The following AHNAK variants were observed in gnomAD, a reference collection of about 807,000 sequenced individuals.
AHNAK encodes the protein AHNAK nucleoprotein, also known as neuroblast differentiation-associated protein AHNAK.
In AHNAK, 23 loss-of-function variants were observed where a neutral mutation model predicts 37.8. That is an observed-to-expected ratio of 0.61 (90% CI 0.44 to 0.86). The LOEUF (loss-of-function observed/expected upper bound fraction) is 0.86, where lower values mean the gene tolerates loss of function less well. Among genes scored for constraint, AHNAK ranks in the 40% least tolerant of loss-of-function variants. The probability of loss-of-function intolerance (pLI) is 0.00; values close to 1 mark genes in which losing one functional copy is unlikely to be tolerated. For missense variants in AHNAK, 7,411 were observed against 7,319.4 expected (o/e 1.01, Z -0.46); for synonymous variants, 2,481 against 2,636.3 (o/e 0.94, Z 1.80).
rs77301719 is a variant in AHNAK, at chr11:62,506,905, T to C, written c.343-15074A>G. 6.5e-3 allele frequency among the ~76,000 whole-genome samples: 985 copies of C among 152,216 alleles called. 15 individuals are homozygous for C. The highest frequency in any genetic ancestry group is 0.022 in the African/African-American group (932 of 41,526). ...TCCCCAAAATGGGCAAATGGGTGTA[T>C]GTCCCAGTTTTTTCCTTTCATGGCT... On this transcript the variant is annotated intron_variant, in intron 4 of 5. Coordinates refer to the AHNAK transcript ENST00000257247.
intron 4 of AHNAK, among the ~76,000 whole-genome samples, chr11:62,497,922 C>G (rs887553663): frequency 2.0e-5 from 3 of 151,964 alleles, no homozygotes; most frequent in African/African-American, 7.3e-5. Flanking sequence ...CGAGACTGAG[C>G]CACTGCACTC....
exon 6 of AHNAK, chr11:62,433,846 A>G: frequency 6.2e-7 from 1 of 1,613,802 alleles, no homozygotes; most frequent in East Asian, 2.2e-5. Flanking sequence ...GGTCACAAAA[A>G]CAACCTTAAG....
Position 62,525,717 on chromosome 11 carries a change from G to C in AHNAK, c.8700C>G (p.Pro2900=). 1 of 1,613,096 alleles carries C rather than the reference G, an allele frequency of 6.2e-7. No individual in the cohort carries two copies. The highest frequency in any genetic ancestry group is 1.1e-5 in the South Asian group (1 of 91,014). The stretch of plus-strand genomic sequence containing the variant: ...CTTTGAAGCCAGGCATGCTGAACTT[G>C]GGCATTTTCATCTTGGGCATCTTCA... ...WHLKMPKMKM[P]KFSMPGFKAE... is the part of the protein sequence containing the mutation. Residue 2900 remains proline, a synonymous_variant, in exon 5 of 5, where the codon CCC becomes CCG. Coordinates refer to ENST00000378024, the MANE Select transcript of AHNAK (RefSeq NM_001620.3).
chr11:62,540,781 G>A (rs1471259376), intron 1 of AHNAK, among the ~76,000 whole-genome samples: 2 of 152,256 alleles, frequency 1.3e-5, no homozygotes, highest in Non-Finnish European at 2.9e-5. Context: ...AAAGGTGAGA[G>A]CACGTATGCC....
rs924982482 is a variant in AHNAK at position 62,510,479 on chromosome 11, C to G, written c.343-18648G>C. The stretch of plus-strand genomic sequence containing the variant: ...CCTATATGAGCCAGGTGCGGTGGCT[C>G]ATGCCTGTAATCCCAGCACTTTGGG... On this transcript the variant is annotated intron_variant, in intron 4 of 5. Transcript: ENST00000257247. Among the ~76,000 whole-genome samples, 42 of 152,188 alleles carry G rather than the reference C, an allele frequency of 2.8e-4. No individual in the cohort carries two copies. In the Middle Eastern group the frequency reaches 0.01, roughly 37 times the overall value.
chr11:62,519,495 T>G lies in AHNAK; in HGVS notation c.14922A>C (p.Lys4974Asn), dbSNP rs749733314. 2 of 1,613,194 alleles carry G rather than the reference T, an allele frequency of 1.2e-6. No homozygotes were observed. Among genetic ancestry groups the G allele is most frequent in the Middle Eastern group, 1.7e-4 (1 of 6,060 alleles). ...CAAATCCAAACTTGGGTTTCTTAAA[T>G]TTGGGGATTTTAACATCTGGCCCTT... ...NIEGPDVKIP[K>N]FKKPKFGFGA... The change falls in exon 5 of 5, where the codon AAA (lysine) becomes AAC (asparagine). Residue 4974 changes from lysine to asparagine, a missense_variant. Physicochemically the swap from Lys to Asn is moderately conservative, Grantham distance 94. Coordinates refer to ENST00000378024, the MANE Select transcript of AHNAK (RefSeq NM_001620.3).
chr11:62,520,774 A>G lies in AHNAK; in HGVS notation c.13643T>C (p.Leu4548Pro). 6.2e-7 allele frequency: 1 copy of G among 1,614,076 alleles called. No homozygotes were observed. The highest frequency in any genetic ancestry group is 1.1e-5 in the South Asian group (1 of 91,062). The change falls in exon 5 of 5, where the codon CTG becomes CCG. Residue 4548 changes from leucine to proline, a missense_variant. Coordinates refer to ENST00000378024, the MANE Select transcript of AHNAK (RefSeq NM_001620.3). ...TTTGACATCCACTTTGGGACCTTTC[A>G]GATCTCCCTCCAGTTTAGGAACGGA... ...DISVPKLEGD[L>P]KGPKVDVKGP...
intron 1 of AHNAK, among the ~76,000 whole-genome samples, chr11:62,544,487 A>T (rs1941242721): frequency 1.3e-5 from 2 of 152,050 alleles, no homozygotes; most frequent in Non-Finnish European, 2.9e-5. Flanking sequence ...AGGGGCTCAG[A>T]CACCCTCTAA....
In AHNAK at chr11:62,519,227, T is replaced by C. The variant is rs1940140494; in HGVS notation, c.15190A>G (p.Ile5064Val). The change falls in exon 5 of 5, where the codon ATC (isoleucine) becomes GTC (valine). Residue 5064 changes from isoleucine to valine, a missense_variant. Coordinates refer to ENST00000378024, the MANE Select transcript of AHNAK (RefSeq NM_001620.3). Reference sequence around the variant, plus strand: ...TTGAGTGCAGCATCCGGCCCTGCGATGTTGACATCTACATCCGGAGCCTTG... The same window carrying C: ...TTGAGTGCAGCATCCGGCCCTGCGACGTTGACATCTACATCCGGAGCCTTG... Reference protein sequence around the residue: ...SLKAPDVDVNIAGPDAALKVD... With the variant: ...SLKAPDVDVNVAGPDAALKVD... The C allele has an allele frequency of 6.2e-7, 1 of 1,613,804 alleles. No individual in the cohort carries two copies. The highest frequency in any genetic ancestry group is 2.2e-5 in the East Asian group (1 of 44,894).
At position 62,519,556 on chromosome 11, in the gene AHNAK, A is replaced by G. The variant is rs144568581; in HGVS notation, c.14861T>C (p.Leu4954Ser). Residue 4954 changes from leucine (L) to serine (S), a missense_variant, in exon 5 of 5, where the codon TTA (leucine) becomes TCA (serine). Coordinates refer to ENST00000378024, the MANE Select transcript of AHNAK (RefSeq NM_001620.3). ...LKGPKVEAPS[L>S]DVHMDSPDIN... The stretch of plus-strand genomic sequence containing the variant: ...ATCTGGGCTGTCCATGTGTACATCT[A>G]AGCTTGGAGCTTCAACTTTGGGTCC... 6.2e-7 allele frequency: 1 copy of G among 1,611,550 alleles called. No individual in the cohort carries two copies. The highest frequency in any genetic ancestry group is 8.5e-7 in the Non-Finnish European group (1 of 1,178,876).
At position 62,529,797 on chromosome 11, in the gene AHNAK, A is replaced by C. The variant is rs773976259; in HGVS notation, c.4620T>G (p.Gly1540=). 2.5e-6 allele frequency: 4 copies of C among 1,614,066 alleles called. No individual in the cohort carries two copies. Among genetic ancestry groups the C allele is most frequent in the Non-Finnish European group, 3.4e-6 (4 of 1,180,010 alleles). ...VDMNLPKADL[G]VSGPKVDIDV... is the part of the protein sequence containing the mutation. ...CAATGTCCACCTTGGGTCCTGAAAC[A>C]CCAAGGTCAGCCTTGGGCAGGTTCA... Residue 1540 remains glycine, a synonymous_variant, in exon 5 of 5, where the codon GGT becomes GGG. Coordinates refer to ENST00000378024, the MANE Select transcript of AHNAK (RefSeq NM_001620.3).
At chr11:62,491,887 C>G in intron 4 of AHNAK, 6 of 1,508,258 alleles carry the variant, frequency 4.0e-6, no homozygotes, top group Non-Finnish European at 5.4e-6. Flanking sequence ...AATCAATGAG[C>G]ACTTTTCAAA....
intron 4 of AHNAK, among the ~76,000 whole-genome samples, chr11:62,495,017 G>C (rs1939580881): frequency 6.9e-6 from 1 of 144,762 alleles, no homozygotes; most frequent in Admixed American, 6.8e-5. Flanking sequence ...AAAAAAAAAA[G>C]TAGCCAGGCA....
At position 62,524,383 on chromosome 11, in the gene AHNAK, C is replaced by A; in HGVS notation, c.10034G>T (p.Gly3345Val). 6.2e-7 allele frequency: 1 copy of A among 1,612,728 alleles called. No individual in the cohort carries two copies. The highest frequency in any genetic ancestry group is 8.5e-7 in the Non-Finnish European group (1 of 1,179,674). ...DVSGPKLNIE[G>V]KSKKSRFKLP... Reference sequence around the variant, plus strand: ...CTTAAAACGAGATTTCTTTGACTTGCCTTCGATATTAAGCTTAGGACCGGA... The same window carrying A: ...CTTAAAACGAGATTTCTTTGACTTGACTTCGATATTAAGCTTAGGACCGGA... The change falls in exon 5 of 5, where the codon GGC becomes GTC. Residue 3345 changes from glycine (G) to valine (V), a missense_variant. Physicochemically the swap from Gly to Val is moderately radical, Grantham distance 109. Transcript: ENST00000378024.
At chr11:62,505,668 T>C (rs1285909012) in intron 4 of AHNAK, among the ~76,000 whole-genome samples, 1 of 151,880 alleles carries the variant, frequency 6.6e-6, no homozygotes, top group East Asian at 1.9e-4. Context: ...CAACGCTCCC[T>C]GCCGCTCATT....
intron 5 of AHNAK, among the ~76,000 whole-genome samples, chr11:62,488,263 G>A (rs1029221421): frequency 1.3e-5 from 2 of 152,188 alleles, no homozygotes; most frequent in African/African-American, 4.8e-5. Flanking sequence ...TTTAATCAAT[G>A]TTGAAGTAAA....
At chr11:62,474,412 C>T (rs1939102745) in intron 5 of AHNAK, among the ~76,000 whole-genome samples, 1 of 152,134 alleles carries the variant, frequency 6.6e-6, no homozygotes, top group South Asian at 2.1e-4. Context: ...CCTCGAACTG[C>T]TGACCTCGTG....
At chr11:62,439,261 A>AT (rs746208196) in intron 5 of AHNAK, among the ~76,000 whole-genome samples, 1 of 150,994 alleles carries the variant, frequency 6.6e-6, no homozygotes, top group Non-Finnish European at 1.5e-5. Context: ...CGCCTAGCTA[A>AT]TTTTTTTTGT....
intron 1 of AHNAK, among the ~76,000 whole-genome samples, chr11:62,539,136 C>T (rs1303490985): frequency 2.0e-5 from 3 of 152,218 alleles, no homozygotes; most frequent in Non-Finnish European, 4.4e-5. Context: ...GACAGGAAAT[C>T]ACTCTGACCC....
Sources: gnomAD v4.1 joint callset for allele counts (sites outside exome capture counted in the v4.1 genomes callset) on GRCh38, gnomAD v4.1.1 for gene constraint, MANE v1.5 for transcripts, NCBI Gene and HGNC (gene_info 2026-07-23, HGNC 2026-07-21) for gene names.